CMSS1: variants seen among roughly 807,000 people sequenced by gnomAD.
The protein encoded by CMSS1 is protein CMSS1.
CMSS1 carries 33 observed loss-of-function variants against 43.5 expected under a neutral mutation model. That is an observed-to-expected ratio of 0.76 (90% CI 0.57 to 1.01). The LOEUF (loss-of-function observed/expected upper bound fraction) is 1.01, where lower values mean the gene tolerates loss of function less well. Among genes scored for constraint, CMSS1 ranks in the 50% least tolerant of loss-of-function variants. The pLI is 0.00. For synonymous variants in CMSS1, 115 were observed against 117.2 expected (o/e 0.98, Z 0.12); for missense variants, 313 against 326.4 (o/e 0.96, Z 0.32).
intron 1 of CMSS1, among the ~76,000 whole-genome samples, chr3:99,832,560 A>AAG (rs201155810): frequency 0.46 from 55,127 of 120,530 alleles, 14,140 homozygotes; most frequent in East Asian, 0.67. Flanking sequence ...AAAAAAAAAA[A>AAG]GGCCTAGCGC....
intron 1 of CMSS1, among the ~76,000 whole-genome samples, chr3:99,972,935 G>A (rs891214254): frequency 1.3e-5 from 2 of 152,194 alleles, no homozygotes; most frequent in African/African-American, 4.8e-5. Flanking sequence ...AAACACATCA[G>A]CAAAGAGCAT....
chr3:100,034,092 G>A (rs1473867516), intron 1 of CMSS1, among the ~76,000 whole-genome samples: 1 of 152,174 alleles, frequency 6.6e-6, no homozygotes, highest in Non-Finnish European at 1.5e-5. Flanking sequence ...CTTAAGAAAA[G>A]AAGTAATTTG....
At chr3:99,924,892 A>T (rs1197117904) in intron 1 of CMSS1, among the ~76,000 whole-genome samples, 1 of 152,198 alleles carries the variant, frequency 6.6e-6, no homozygotes, top group African/African-American at 2.4e-5. Context: ...GTGCATTTCA[A>T]TACAAATGTA....
chr3:100,171,817 T>A, intron 6 of CMSS1, 22 bp from the exon 7 acceptor site: 1 of 1,610,442 alleles, frequency 6.2e-7, no homozygotes, highest in Non-Finnish European at 8.5e-7. Context: ...TTCTTAAGCA[T>A]TCACCTGCTT....
chr3:99,932,953 T>TA (rs1707533557), intron 1 of CMSS1, among the ~76,000 whole-genome samples: 1 of 152,198 alleles, frequency 6.6e-6, no homozygotes, highest in Admixed American at 6.5e-5. Context: ...AGGGAGCACT[T>TA]ACTATGTGTG....
intron 1 of CMSS1, among the ~76,000 whole-genome samples, chr3:99,825,486 C>T (rs1942519333): frequency 6.6e-6 from 1 of 152,172 alleles, no homozygotes; most frequent in Admixed American, 6.5e-5. Flanking sequence ...CTTAGATAAC[C>T]TTCATGGTCT....
intron 1 of CMSS1, among the ~76,000 whole-genome samples, chr3:100,028,763 T>C (rs2064971567): frequency 6.6e-6 from 1 of 152,018 alleles, no homozygotes; most frequent in Admixed American, 6.6e-5. Flanking sequence ...TTTCCAAGAG[T>C]CAGTTCTTGT....
At chr3:100,089,553 G>C (rs1336292771) in intron 1 of CMSS1, among the ~76,000 whole-genome samples, 1 of 152,144 alleles carries the variant, frequency 6.6e-6, no homozygotes, top group Non-Finnish European at 1.5e-5. Flanking sequence ...AAAAGGATAG[G>C]AAGCAGAAAC....
chr3:100,109,519 G>GT (rs2066452655), intron 1 of CMSS1, among the ~76,000 whole-genome samples: 1 of 152,012 alleles, frequency 6.6e-6, no homozygotes, highest in African/African-American at 2.4e-5. Flanking sequence ...CCACTGATGT[G>GT]TTTTCTGTCC....
In CMSS1 at chr3:100,146,953, T is replaced by A. The variant is rs1430378904; in HGVS notation, c.65-20T>A. 1 of 1,610,664 alleles carries A rather than the reference T, an allele frequency of 6.2e-7. No homozygotes were observed. Among genetic ancestry groups the A allele is most frequent in the Non-Finnish European group, 8.5e-7 (1 of 1,178,404 alleles). ...TGAGAGAGAGAGACTTTTCTGATTTTCAAACTTTATATTTTCTAGAAGCAT... is the reference window on the plus strand; with the variant it reads ...TGAGAGAGAGAGACTTTTCTGATTTACAAACTTTATATTTTCTAGAAGCAT... On this transcript the variant is annotated intron_variant, in intron 1 of 9. Coordinates refer to ENST00000421999, the MANE Select transcript of CMSS1 (RefSeq NM_032359.4).
chr3:99,952,212 T>C (rs961283889), intron 1 of CMSS1, among the ~76,000 whole-genome samples: 4 of 152,150 alleles, frequency 2.6e-5, no homozygotes, highest in Admixed American at 2.0e-4. Context: ...GGTCAATTTC[T>C]ATTTGAGATC....
chr3:100,102,557 TC>T (rs1559758292), intron 1 of CMSS1, among the ~76,000 whole-genome samples: 1 of 152,210 alleles, frequency 6.6e-6, no homozygotes. Flanking sequence ...CTTTTTATAT[TC>T]CATATTGTTT....
chr3:99,849,134 T>G (rs1487466707), intron 1 of CMSS1: 1 of 1,614,190 alleles, frequency 6.2e-7, no homozygotes, highest in Non-Finnish European at 8.5e-7. Flanking sequence ...TGGCTGCATT[T>G]GAAGGACAGC....
At chr3:99,986,022 G>A (rs187269701) in intron 1 of CMSS1, among the ~76,000 whole-genome samples, 5 of 152,260 alleles carry the variant, frequency 3.3e-5, no homozygotes, top group Admixed American at 1.3e-4. Context: ...CAGTTTGCAC[G>A]TGGACCCAAG....
intron 1 of CMSS1, among the ~76,000 whole-genome samples, chr3:99,833,638 T>C (rs1425686715): frequency 6.6e-6 from 1 of 152,220 alleles, no homozygotes; most frequent in East Asian, 1.9e-4. Context: ...GCTTTGAACT[T>C]TTTGATCTGT....
At chr3:99,825,289 A>C (rs2107477556) in intron 1 of CMSS1, among the ~76,000 whole-genome samples, 1 of 152,350 alleles carries the variant, frequency 6.6e-6, no homozygotes, top group East Asian at 1.9e-4. Flanking sequence ...TAATCAGCTT[A>C]CATTACAGGA....
intron 1 of CMSS1, chr3:100,141,395 C>T (rs987137385): frequency 3.1e-6 from 1 of 317,826 alleles, no homozygotes; most frequent in African/African-American, 2.2e-5. Flanking sequence ...CAGCACTACT[C>T]CCTGGGAGAT....
intron 1 of CMSS1, among the ~76,000 whole-genome samples, chr3:99,930,467 G>T (rs1322493017): frequency 1.3e-5 from 2 of 152,148 alleles, no homozygotes; most frequent in Non-Finnish European, 2.9e-5. Flanking sequence ...CAATCCCGAA[G>T]TCATCTGGCA....
intron 1 of CMSS1, among the ~76,000 whole-genome samples, chr3:99,818,896 C>G (rs975049231): frequency 6.6e-6 from 1 of 152,218 alleles, no homozygotes; most frequent in Non-Finnish European, 1.5e-5. Context: ...TAGCCTTGAA[C>G]TTTTTAAGTT....
Sources: gnomAD v4.1 joint callset for allele counts (sites outside exome capture counted in the v4.1 genomes callset) on GRCh38, gnomAD v4.1.1 for gene constraint, MANE v1.5 for transcripts, NCBI Gene and HGNC (gene_info 2026-07-23, HGNC 2026-07-21) for gene names.